Variants in IL17REL observed in about 807,000 individuals in gnomAD.
The protein encoded by IL17REL is interleukin 17 receptor E like, also known as interleukin-17 receptor E-like protein.
IL17REL carries 36 observed loss-of-function variants against 49.0 expected under a neutral mutation model. That is an observed-to-expected ratio of 0.73 (90% CI 0.56 to 0.97). IL17REL has a LOEUF of 0.97. Among genes scored for constraint, IL17REL ranks in the 50% least tolerant of loss-of-function variants. The pLI is 0.00. For synonymous variants in IL17REL, 206 were observed against 192.4 expected (o/e 1.07, Z -0.58); for missense variants, 470 against 453.9 (o/e 1.04, Z -0.32).
upstream of IL17REL, among the ~76,000 whole-genome samples, chr22:50,009,617 C>T (rs376378897): frequency 1.1e-4 from 12 of 109,488 alleles, no homozygotes; most frequent in East Asian, 2.2e-3. Context: ...CTCTACAGAC[C>T]GGACGGGGAA....
At chr22:50,012,542 T>TAC (rs2061147289), upstream of IL17REL, 1 of 152,352 alleles carries the variant, frequency 6.6e-6, no homozygotes, top group Admixed American at 6.5e-5. Flanking sequence ...GGCAGGAGCT[T>TAC]ACCTGAGAAC....
chr22:50,007,256 C>T (rs985767717), intron 1 of IL17REL, among the ~76,000 whole-genome samples: 2 of 152,108 alleles, frequency 1.3e-5, no homozygotes, highest in Non-Finnish European at 2.9e-5. Flanking sequence ...CCGCCCCCTC[C>T]ACCCAATGCG....
downstream of IL17REL, among the ~76,000 whole-genome samples, chr22:49,994,156 G>A (rs2146732791): frequency 6.6e-6 from 1 of 152,146 alleles, no homozygotes; most frequent in Admixed American, 6.5e-5. Context: ...GTTAGGGAGG[G>A]ACACCCTGTC....
intron 6 of IL17REL, 28 bp from the exon 9 acceptor site, chr22:49,999,373 C>A (rs1335911890): frequency 2.5e-6 from 4 of 1,612,694 alleles, no homozygotes; most frequent in Non-Finnish European, 3.4e-6. Context: ...GTCAGCGCAG[C>A]CCACCCATCC....
chr22:49,992,020 G>C (rs910634686), downstream of IL17REL, among the ~76,000 whole-genome samples: 1 of 152,188 alleles, frequency 6.6e-6, no homozygotes, highest in Non-Finnish European at 1.5e-5. Flanking sequence ...GGGGGCTTCT[G>C]GGTCACAGAT....
chr22:50,000,811 C>T lies in IL17REL; in HGVS notation c.162G>A (p.Thr54=), dbSNP rs149302070. The change falls in exon 3 of 13, where the codon ACG becomes ACA. Residue 54 remains threonine (T), a synonymous_variant. Transcript: ENST00000341280. The stretch of plus-strand genomic sequence containing the variant: ...TGGCCACCCACACGCTCTGACACTG[C>T]GTCTCCTGGGTGTCCAGGCTCATGG... 75 of 1,603,286 alleles carry T rather than the reference C, an allele frequency of 4.7e-5. No individual in the cohort carries two copies. The African/African-American group carries it at 9.6e-4, about 21-fold the overall frequency.
At chr22:50,007,548 G>A (rs2061116783) in intron 1 of IL17REL, among the ~76,000 whole-genome samples, 1 of 151,860 alleles carries the variant, frequency 6.6e-6, no homozygotes, top group Non-Finnish European at 1.5e-5. Flanking sequence ...TTTTTTTGGG[G>A]GGGGGATTCT....
intron 10 of IL17REL, 54 bp from the exon 13 acceptor site, chr22:49,997,537 C>T: frequency 6.7e-6 from 9 of 1,338,810 alleles, no homozygotes; most frequent in South Asian, 6.1e-5. Context: ...CACCGCCTCC[C>T]TTCCTTCCCC....
chr22:49,993,190 G>A (rs566898821), downstream of IL17REL, among the ~76,000 whole-genome samples: 10 of 152,310 alleles, frequency 6.6e-5, no homozygotes, highest in African/African-American at 2.4e-4. This position sits in a 1 kb window ranked among gnomAD's most constrained non-coding sequence, Gnocchi z 6.0. Flanking sequence ...AGTGTTGTTT[G>A]TTCCCGGTGC....
At chr22:50,000,653 G>T in intron 3 of IL17REL, 61 bp from the exon 5 acceptor site, 1 of 1,554,880 alleles carries the variant, frequency 6.4e-7, no homozygotes, top group Non-Finnish European at 8.8e-7. Flanking sequence ...CACCCGGCCA[G>T]CTCCACTTGC....
chr22:49,993,445 T>A (rs1221416888), downstream of IL17REL, among the ~76,000 whole-genome samples: 2 of 152,068 alleles, frequency 1.3e-5, no homozygotes, highest in Admixed American at 1.3e-4. The surrounding 1 kb of genome is among the most constrained non-coding windows in gnomAD (Gnocchi z 6.0). Context: ...GAGGGCAGCG[T>A]CCCTGGCCAA....
chr22:49,996,387 C>T (rs1483860787), exon 13 of IL17REL: 1 of 152,476 alleles, frequency 6.6e-6, no homozygotes, highest in South Asian at 2.1e-4. Flanking sequence ...ACCCAGGCCA[C>T]ATGTGCTTAG....
chr22:50,000,861 G>T, exon 3 of IL17REL: 6 of 1,552,700 alleles, frequency 3.9e-6, no homozygotes, highest in South Asian at 3.6e-5. Context: ...CCCCGCAGGC[G>T]CTCTGGGTGG....
intron 1 of IL17REL, among the ~76,000 whole-genome samples, chr22:50,005,209 C>T (rs2146755724): frequency 6.6e-6 from 1 of 152,150 alleles, no homozygotes. Flanking sequence ...TAGTGTGGTA[C>T]AAAACAGAAT....
chr22:49,998,834 T>C (rs2061054970), intron 7 of IL17REL, among the ~76,000 whole-genome samples: 1 of 151,806 alleles, frequency 6.6e-6, no homozygotes, highest in East Asian at 1.9e-4. Context: ...TGCGTGTGCA[T>C]GTGTATGTGT....
chr22:49,997,672 A>G lies in IL17REL; in HGVS notation c.877+13T>C, dbSNP rs1311026123. 3 of 1,612,416 alleles carry G rather than the reference A, an allele frequency of 1.9e-6. No homozygotes were observed. The highest frequency in any genetic ancestry group is 2.5e-6 in the Non-Finnish European group (3 of 1,178,804). Reference sequence around the variant, plus strand: ...GCTGCGTCCACATTGCGTAGGCCTCATGGAGAACTTACTTGGGAAGCGACG... The same window carrying G: ...GCTGCGTCCACATTGCGTAGGCCTCGTGGAGAACTTACTTGGGAAGCGACG... On this transcript the variant is annotated intron_variant, in intron 10 of 12. Coordinates refer to ENST00000341280, the Ensembl canonical transcript of IL17REL.
At chr22:50,005,812 C>T (rs1601891644) in intron 1 of IL17REL, among the ~76,000 whole-genome samples, 1 of 126,256 alleles carries the variant, frequency 7.9e-6, no homozygotes. Flanking sequence ...CCCCCTACCC[C>T]CCAGAAAATA....
chr22:50,008,331 G>A (rs1251206627), intron 1 of IL17REL, among the ~76,000 whole-genome samples: 6 of 152,178 alleles, frequency 3.9e-5, no homozygotes, highest in Non-Finnish European at 8.8e-5. Context: ...TAGAGGAGAC[G>A]GGGTTTTCCA....
At chr22:50,003,519 CAAAA>C (rs142337526) in intron 1 of IL17REL, among the ~76,000 whole-genome samples, 7 of 39,080 alleles carry the variant, frequency 1.8e-4, no homozygotes, top group Admixed American at 7.2e-4. Flanking sequence ...GACTCCATCT[CAAAA>C]AAAAAAAAAA....
Sources: allele counts gnomAD v4.1 joint callset (sites outside exome capture counted in the v4.1 genomes callset), GRCh38; gene constraint gnomAD v4.1.1; non-coding constraint Gnocchi (gnomAD v3.1); transcripts MANE v1.5; gene names NCBI Gene and HGNC (gene_info 2026-07-23, HGNC 2026-07-21).